The following SEMA5A variants were observed in gnomAD, a reference collection of about 807,000 sequenced individuals.
SEMA5A encodes semaphorin-5A.
Under a neutral mutation model 135.5 loss-of-function variants are expected in SEMA5A, and 55 were observed. That is an observed-to-expected ratio of 0.41 (90% CI 0.33 to 0.51). The LOEUF (loss-of-function observed/expected upper bound fraction) is 0.51. SEMA5A is among the 20% of genes least tolerant of loss of function. The probability of loss-of-function intolerance (pLI) is 0.37; values close to 1 mark genes in which losing one functional copy is unlikely to be tolerated. For synonymous variants in SEMA5A, 580 were observed against 546.5 expected (o/e 1.06, Z -0.85); for missense variants, 1,290 against 1,419.9 (o/e 0.91, Z 1.47).
chr5:9,057,770 G>T lies in SEMA5A; in HGVS notation c.2519-3513C>A, dbSNP rs145922257. Among the ~76,000 whole-genome samples, 828 of 152,306 alleles carry T rather than the reference G, an allele frequency of 5.4e-3. 8 individuals carry two copies. Among genetic ancestry groups the T allele is most frequent in the South Asian group, 0.03 (145 of 4,822 alleles). On this transcript the variant is annotated intron_variant, in intron 18 of 22. Coordinates refer to ENST00000382496, the MANE Select transcript of SEMA5A (RefSeq NM_003966.3). ...TGGAACCACTTCCTTACTCTGTCCG[G>T]AAGTTGCTTAGTCTGCAATTGCCCT...
chr5:9,161,552 T>C (rs1185145222), intron 11 of SEMA5A, among the ~76,000 whole-genome samples: 4 of 152,092 alleles, frequency 2.6e-5, no homozygotes, highest in Admixed American at 2.6e-4. Context: ...GAAATCCAAG[T>C]GTATTTTATA....
chr5:9,243,176 C>G (rs949963336), intron 5 of SEMA5A, among the ~76,000 whole-genome samples: 1 of 152,138 alleles, frequency 6.6e-6, no homozygotes, highest in African/African-American at 2.4e-5. Context: ...TCTGGAGGCT[C>G]GTTGGCAGGG....
At chr5:9,431,192 A>C (rs1757845443) in intron 2 of SEMA5A, among the ~76,000 whole-genome samples, 1 of 152,168 alleles carries the variant, frequency 6.6e-6, no homozygotes, top group Non-Finnish European at 1.5e-5. Context: ...CAATGAAGAA[A>C]AGAGGAACAG....
chr5:9,377,738 C>T (rs1755425276), intron 3 of SEMA5A, among the ~76,000 whole-genome samples: 1 of 151,824 alleles, frequency 6.6e-6, no homozygotes. Flanking sequence ...TAACAAAGAC[C>T]CTAGAGTCCT....
intron 2 of SEMA5A, among the ~76,000 whole-genome samples, chr5:9,386,850 G>C (rs886203406): frequency 2.0e-5 from 3 of 152,252 alleles, no homozygotes; most frequent in Non-Finnish European, 4.4e-5. Context: ...TGAGAAAACA[G>C]AGCTAGTGTC....
chr5:9,287,490 A>G (rs953301674), intron 5 of SEMA5A, among the ~76,000 whole-genome samples: 5 of 152,202 alleles, frequency 3.3e-5, no homozygotes, highest in Non-Finnish European at 5.9e-5. Flanking sequence ...TAATAATTTA[A>G]ATGTCAAAAA....
chr5:9,042,726 T>G lies in SEMA5A; in HGVS notation c.*171A>C. 3.0e-6 allele frequency: 2 copies of G among 674,076 alleles called. No individual in the cohort carries two copies. Among genetic ancestry groups the G allele is most frequent in the Non-Finnish European group, 4.9e-6 (2 of 405,456 alleles). The allele number at this position is 674,076 out of a possible 1,614,324, so 41.8% of individuals were successfully genotyped here. On this transcript the variant is annotated 3_prime_UTR_variant, in exon 23 of 23. Transcript: ENST00000382496. ...TTTTCACGATGTCTTATTTCAATTT[T>G]TGTTGCTTTTAAAGACGTGTATTTT...
At chr5:9,426,995 T>C (rs781510500) in intron 2 of SEMA5A, among the ~76,000 whole-genome samples, 34 of 152,154 alleles carry the variant, frequency 2.2e-4, no homozygotes, top group Non-Finnish European at 2.4e-4. Flanking sequence ...TATAGTCCAG[T>C]ACATAAAAGA....
At chr5:9,501,993 AT>A (rs905284282) in intron 1 of SEMA5A, among the ~76,000 whole-genome samples, 71 of 152,186 alleles carry the variant, frequency 4.7e-4, no homozygotes, top group African/African-American at 1.4e-3. Context: ...AGGTATCTAT[AT>A]TTTTTTGTGG....
chr5:9,108,866 A>G (rs1265065096), intron 15 of SEMA5A, among the ~76,000 whole-genome samples: 4 of 150,956 alleles, frequency 2.6e-5, no homozygotes, highest in Non-Finnish European at 4.4e-5. Context: ...AATTTAAAAG[A>G]CCACTCGTTA....
At chr5:9,341,811 G>T (rs1753667731) in intron 3 of SEMA5A, among the ~76,000 whole-genome samples, 1 of 151,486 alleles carries the variant, frequency 6.6e-6, no homozygotes, top group Non-Finnish European at 1.5e-5. Flanking sequence ...TTACGTGATT[G>T]TTGAAATATG....
chr5:9,241,940 C>A (rs1407604582), intron 5 of SEMA5A, among the ~76,000 whole-genome samples: 1 of 152,212 alleles, frequency 6.6e-6, no homozygotes, highest in Non-Finnish European at 1.5e-5. Context: ...ACTACTCTTT[C>A]AGCAGATGGC....
At chr5:9,153,959 T>C (rs1742778161) in intron 12 of SEMA5A, among the ~76,000 whole-genome samples, 1 of 148,002 alleles carries the variant, frequency 6.8e-6, no homozygotes, top group Admixed American at 6.8e-5. Flanking sequence ...GGCACGAGAA[T>C]CACTTGAACC....
intron 1 of SEMA5A, among the ~76,000 whole-genome samples, chr5:9,500,203 A>G (rs1403082546): frequency 6.6e-6 from 1 of 152,196 alleles, no homozygotes; most frequent in African/African-American, 2.4e-5. Flanking sequence ...TAAAGTTTTG[A>G]TTAATCCTCA....
intron 1 of SEMA5A, among the ~76,000 whole-genome samples, chr5:9,464,174 C>G (rs571446782): frequency 2.6e-5 from 4 of 152,274 alleles, no homozygotes; most frequent in African/African-American, 9.6e-5. Flanking sequence ...CAAATGTCCC[C>G]TAGGAAACAA....
intron 18 of SEMA5A, among the ~76,000 whole-genome samples, chr5:9,062,187 C>A (rs1236932521): frequency 1.3e-5 from 2 of 152,104 alleles, no homozygotes; most frequent in Admixed American, 1.3e-4. Context: ...TAGATGATGT[C>A]TTTCCCCAAT....
chr5:9,324,304 A>G (rs1284917954), intron 4 of SEMA5A, among the ~76,000 whole-genome samples: 1 of 149,980 alleles, frequency 6.7e-6, no homozygotes, highest in African/African-American at 2.5e-5. Flanking sequence ...TCCTGACCTC[A>G]TGATCCACCC....
intron 1 of SEMA5A, among the ~76,000 whole-genome samples, chr5:9,472,333 C>A (rs938761237): frequency 2.0e-5 from 3 of 152,106 alleles, no homozygotes; most frequent in Admixed American, 1.3e-4. Flanking sequence ...CTGGAAGATG[C>A]TTTGTTTTGA....
rs190706981 is a variant in SEMA5A, at chr5:9,325,539, A to G, written c.225-7122T>C. Among the ~76,000 whole-genome samples the G allele has an allele frequency of 1.7e-3, 257 of 152,104 alleles. 1 individual carries two copies. The East Asian group carries it at 0.04, about 24-fold the overall frequency. On this transcript the variant is annotated intron_variant, in intron 4 of 22. Coordinates refer to ENST00000382496, the MANE Select transcript of SEMA5A (RefSeq NM_003966.3). ...GTCCCATCACTTCCCCCAGTGGCCTATTAGAAACAAATCACTAAGCATAAC... is the reference window on the plus strand; with the variant it reads ...GTCCCATCACTTCCCCCAGTGGCCTGTTAGAAACAAATCACTAAGCATAAC...
Sources: allele counts gnomAD v4.1 joint callset (sites outside exome capture counted in the v4.1 genomes callset), GRCh38; gene constraint gnomAD v4.1.1; transcripts MANE v1.5; gene names NCBI Gene and HGNC (gene_info 2026-07-23, HGNC 2026-07-21).